Variants in IPO11 observed in about 807,000 individuals in gnomAD.
The protein encoded by IPO11 is importin 11, also known as importin-11.
In IPO11, 66 loss-of-function variants were observed where a neutral mutation model predicts 143.2. The ratio of observed to expected loss-of-function variants is 0.46; its 90% confidence interval spans 0.38 to 0.57. IPO11 has a LOEUF of 0.57. Ranked by LOEUF, IPO11 falls within the 20% of genes least tolerant of loss-of-function variation. The probability of loss-of-function intolerance (pLI) is 0.00; values close to 1 mark genes in which losing one functional copy is unlikely to be tolerated. For missense variants in IPO11, 1,026 were observed against 1,141.0 expected (o/e 0.90, Z 1.45); for synonymous variants, 385 against 377.8 (o/e 1.02, Z -0.22).
chr5:62,581,527 A>G (rs1189675846), intron 27 of IPO11: 5 of 429,572 alleles, frequency 1.2e-5, no homozygotes, highest in African/African-American at 2.1e-5. Context: ...ATTTCTGTGT[A>G]TCAAGCACTG....
At chr5:62,435,140 A>ATATG (rs1391468489) in intron 1 of IPO11, among the ~76,000 whole-genome samples, 2 of 54,538 alleles carry the variant, frequency 3.7e-5, no homozygotes, top group South Asian at 8.8e-4. Flanking sequence ...ATATATGTAT[A>ATATG]TATGTATATA....
At chr5:62,533,108 A>C (rs934919521) in intron 22 of IPO11, among the ~76,000 whole-genome samples, 9 of 152,134 alleles carry the variant, frequency 5.9e-5, no homozygotes, top group African/African-American at 2.2e-4. Context: ...CTATTTACAA[A>C]TTACATTTGT....
chr5:62,614,168 T>C (rs536011622), intron 29 of IPO11, among the ~76,000 whole-genome samples: 76 of 152,248 alleles, frequency 5.0e-4, no homozygotes, highest in Admixed American at 2.4e-3. Flanking sequence ...GCTTTTGGTA[T>C]AGAAACTATT....
chr5:62,535,043 ATTTATTTATTTG>A (rs2112320960), intron 22 of IPO11, among the ~76,000 whole-genome samples: 1 of 150,258 alleles, frequency 6.7e-6, no homozygotes, highest in South Asian at 2.1e-4. Flanking sequence ...TTATTTATTT[ATTTATTTATTTG>A]ATGATGATAA....
At position 62,602,542 on chromosome 5, in the gene IPO11, T is replaced by C. The variant is rs1011385812; in HGVS notation, c.2763+694T>C. ...TTTGCAAAATGAAAACAATTGTATC[T>C]ACCTCATAGATAGAATAAATAATTA... On this transcript the variant is annotated intron_variant, in intron 29 of 29. Transcript: ENST00000325324. Among the ~76,000 whole-genome samples the C allele has an allele frequency of 3.9e-5, 6 of 152,196 alleles. No individual in the cohort carries two copies. In the South Asian group the frequency reaches 1.2e-3, roughly 31 times the overall value.
intron 21 of IPO11, among the ~76,000 whole-genome samples, chr5:62,530,147 T>A (rs1177962691): frequency 2.6e-5 from 4 of 152,204 alleles, no homozygotes; most frequent in African/African-American, 9.6e-5. Flanking sequence ...ACAAAATAAC[T>A]TTTTTACCTG....
intron 22 of IPO11, 132 bp downstream of exon 22, chr5:62,530,917 A>G (rs773187849): frequency 1.5e-5 from 10 of 671,922 alleles, no homozygotes; most frequent in African/African-American, 3.6e-5. Flanking sequence ...GGATATATGT[A>G]CACGTTTGTT....
intron 29 of IPO11, among the ~76,000 whole-genome samples, chr5:62,607,379 T>C (rs1046133389): frequency 1.3e-5 from 2 of 152,138 alleles, no homozygotes; most frequent in African/African-American, 4.8e-5. Flanking sequence ...GGTGGGAGTT[T>C]TTAAACTCTC....
chr5:62,526,074 G>C, intron 20 of IPO11, 68 bp from the exon 21 acceptor site: 2 of 936,376 alleles, frequency 2.1e-6, no homozygotes, highest in South Asian at 1.4e-5. Context: ...TTGTATGATA[G>C]GTAATTTTTT....
At chr5:62,593,902 C>G (rs1395394224) in intron 28 of IPO11, among the ~76,000 whole-genome samples, 1 of 152,124 alleles carries the variant, frequency 6.6e-6, no homozygotes, top group Non-Finnish European at 1.5e-5. Context: ...AAATAGAGTT[C>G]TATAAGTTAC....
At chr5:62,531,553 C>G (rs778517968) in intron 22 of IPO11, among the ~76,000 whole-genome samples, 13 of 152,148 alleles carry the variant, frequency 8.5e-5, no homozygotes, top group Admixed American at 3.9e-4. Flanking sequence ...TGGTCTCGAA[C>G]TCCTGACCTC....
chr5:62,515,992 C>T (rs1412295746), intron 20 of IPO11, among the ~76,000 whole-genome samples: 1 of 152,130 alleles, frequency 6.6e-6, no homozygotes, highest in East Asian at 1.9e-4. Context: ...GAACCTGAAA[C>T]TTAGAGCTGG....
intron 24 of IPO11, among the ~76,000 whole-genome samples, chr5:62,540,481 TTAAAG>T (rs1742894476): frequency 6.6e-6 from 1 of 152,254 alleles, no homozygotes; most frequent in African/African-American, 2.4e-5. Context: ...AACAATATTG[TTAAAG>T]TAATTGTTGA....
chr5:62,509,600 C>T (rs924829886), intron 19 of IPO11, among the ~76,000 whole-genome samples: 1 of 152,182 alleles, frequency 6.6e-6, no homozygotes, highest in Non-Finnish European at 1.5e-5. Context: ...AACCCTAAAG[C>T]TTATTCATCT....
intron 27 of IPO11, among the ~76,000 whole-genome samples, chr5:62,577,422 G>C (rs768651339): frequency 6.6e-6 from 1 of 151,976 alleles, no homozygotes; most frequent in African/African-American, 2.4e-5. Context: ...ATATTACTTT[G>C]TGGGTTTTTT....
intron 26 of IPO11, among the ~76,000 whole-genome samples, chr5:62,552,822 A>T (rs1041763553): frequency 8.5e-5 from 13 of 152,122 alleles, no homozygotes; most frequent in Non-Finnish European, 1.5e-4. Flanking sequence ...TCTCTTAAAA[A>T]TTTTTTTAAT....
At chr5:62,486,430 T>G (rs1746408585) in intron 12 of IPO11, among the ~76,000 whole-genome samples, 1 of 152,236 alleles carries the variant, frequency 6.6e-6, no homozygotes, top group African/African-American at 2.4e-5. Context: ...TTCTATATAT[T>G]TCATTAGTAA....
In IPO11 at chr5:62,526,242, A is replaced by C; in HGVS notation, c.1997A>C (p.Asp666Ala). Residue 666 changes from aspartate (D) to alanine (A), a missense_variant, in exon 21 of 30, where the codon GAT becomes GCT. Coordinates refer to ENST00000325324, the MANE Select transcript of IPO11 (RefSeq NM_016338.5). ...SQPPHVYLLE[D>A]GLELWLVTLE... ...CCTCCACATGTTTATCTTCTGGAAG[A>C]TGGTTTAGAATTATGGTAAGAGGAA... The C allele has an allele frequency of 3.1e-6, 5 of 1,609,174 alleles. No individual in the cohort carries two copies. The highest frequency in any genetic ancestry group is 4.3e-6 in the Non-Finnish European group (5 of 1,175,708).
intron 7 of IPO11, among the ~76,000 whole-genome samples, chr5:62,474,151 A>T (rs925005501): frequency 1.3e-5 from 2 of 152,184 alleles, no homozygotes; most frequent in Non-Finnish European, 1.5e-5. Context: ...GTGAAACAGG[A>T]TGCTTAAAAA....
Sources: allele counts gnomAD v4.1 joint callset (sites outside exome capture counted in the v4.1 genomes callset), GRCh38; gene constraint gnomAD v4.1.1; transcripts MANE v1.5; gene names NCBI Gene and HGNC (gene_info 2026-07-23, HGNC 2026-07-21).